Variants in CALN1 observed in about 807,000 individuals in gnomAD.
CALN1 encodes the protein calcium-binding protein 8.
Under a neutral mutation model 30.6 loss-of-function variants are expected in CALN1, and 17 were observed. The observed-to-expected ratio is 0.56, with a 90% CI of 0.38 to 0.83. The LOEUF (loss-of-function observed/expected upper bound fraction) is 0.83. Ranked by LOEUF, CALN1 falls within the 40% of genes least tolerant of loss-of-function variation. The pLI is 0.00. For synonymous variants in CALN1, 156 were observed against 131.4 expected, an observed-to-expected ratio of 1.19 and a Z score of -1.28; for missense variants, 291 against 354.9, an observed-to-expected ratio of 0.82 and a Z score of 1.45.
intron 4 of CALN1, among the ~76,000 whole-genome samples, chr7:72,072,516 G>A (rs927249772): frequency 1.3e-5 from 2 of 152,180 alleles, no homozygotes; most frequent in Admixed American, 6.5e-5. Flanking sequence ...ACTAAAGGGA[G>A]TCCTTCAGGG....
chr7:71,936,898 A>G lies in CALN1; in HGVS notation c.501+86759T>C, dbSNP rs561705567. On this transcript the variant is annotated intron_variant, in intron 5 of 6. Transcript: ENST00000395275. Reference sequence around the variant, plus strand: ...CATGAGATCTGATGGTTTTATCAGGAGTTTCTGCTTTTGTATCTCCCTCAT... The same window carrying G: ...CATGAGATCTGATGGTTTTATCAGGGGTTTCTGCTTTTGTATCTCCCTCAT... 1.9e-3 allele frequency among the ~76,000 whole-genome samples: 286 copies of G among 152,124 alleles called. 3 individuals carry two copies. Among genetic ancestry groups the G allele is most frequent in the African/African-American group, 8.7e-4 (36 of 41,482 alleles).
chr7:71,865,377 C>G (rs1267383012), intron 5 of CALN1, among the ~76,000 whole-genome samples: 1 of 152,236 alleles, frequency 6.6e-6, no homozygotes, highest in Non-Finnish European at 1.5e-5. Context: ...GGAGGCATGG[C>G]CTTCCGCCAT....
chr7:72,104,439 G>A (rs1377352553), intron 4 of CALN1, among the ~76,000 whole-genome samples: 1 of 152,092 alleles, frequency 6.6e-6, no homozygotes, highest in Non-Finnish European at 1.5e-5. Context: ...TGCAGGATGT[G>A]CAGGTTTGTT....
At chr7:72,385,492 GTT>G (rs2129561091) in intron 2 of CALN1, among the ~76,000 whole-genome samples, 1 of 152,262 alleles carries the variant, frequency 6.6e-6, no homozygotes, top group Admixed American at 6.5e-5. Context: ...TATTGATATG[GTT>G]TGGCTTCATG....
At chr7:72,012,178 G>C (rs1224485920) in intron 5 of CALN1, among the ~76,000 whole-genome samples, 4 of 152,180 alleles carry the variant, frequency 2.6e-5, no homozygotes, top group Non-Finnish European at 5.9e-5. Context: ...CTCAGCTACA[G>C]GCTGAAGTAC....
the CALN1 span, among the ~76,000 whole-genome samples, chr7:72,471,400 A>G: frequency 2.0e-5 from 3 of 152,184 alleles, no homozygotes; most frequent in African/African-American, 7.2e-5. Context: ...ACCAGGTGCT[A>G]AAGAGAGGCT....
chr7:72,444,468 C>T (rs1328176063), intron 1 of CALN1, among the ~76,000 whole-genome samples: 2 of 152,092 alleles, frequency 1.3e-5, no homozygotes, highest in Non-Finnish European at 2.9e-5. Context: ...CATTAAAAAC[C>T]ACCTATGTTG....
chr7:71,955,362 T>C (rs1004794370), intron 5 of CALN1, among the ~76,000 whole-genome samples: 1 of 152,104 alleles, frequency 6.6e-6, no homozygotes, highest in African/African-American at 2.4e-5. Flanking sequence ...ACAGCCAAAC[T>C]GTATCAGTAT....
intron 6 of CALN1, 103 bp from the exon 7 acceptor site, chr7:71,788,005 GCCAGCAGTGAGT>G (rs1793077866): frequency 6.7e-7 from 1 of 1,489,270 alleles, no homozygotes; most frequent in Admixed American, 1.8e-5. Flanking sequence ...TCCTCAACAG[GCCAGCAGTGAGT>G]CCTATAGGAT....
intron 2 of CALN1, among the ~76,000 whole-genome samples, chr7:72,282,620 C>T (rs1585352808): frequency 6.6e-6 from 1 of 152,208 alleles, no homozygotes; most frequent in South Asian, 2.1e-4. Context: ...GAGCAGCTCT[C>T]ACCAGACACA....
intron 6 of CALN1, among the ~76,000 whole-genome samples, chr7:71,795,758 T>C (rs1156811040): frequency 2.6e-5 from 4 of 151,880 alleles, no homozygotes; most frequent in African/African-American, 7.3e-5. Flanking sequence ...TGGCTTCTTT[T>C]AGCATAATTT....
intron 5 of CALN1, among the ~76,000 whole-genome samples, chr7:71,987,585 A>C (rs1418393344): frequency 6.6e-6 from 1 of 152,214 alleles, no homozygotes; most frequent in East Asian, 1.9e-4. Context: ...TTTTCAGGGT[A>C]GGCTTGTGAA....
chr7:71,831,871 CAAAAAAAAA>C (rs751078568), intron 5 of CALN1, among the ~76,000 whole-genome samples: 2 of 20,880 alleles, frequency 9.6e-5, no homozygotes, highest in Admixed American at 2.2e-3. Context: ...AACCCTGCCT[CAAAAAAAAA>C]AAAAAAAAAA....
intron 2 of CALN1, among the ~76,000 whole-genome samples, chr7:72,329,680 G>A (rs979508998): frequency 2.0e-5 from 3 of 152,214 alleles, no homozygotes; most frequent in Admixed American, 6.5e-5. Context: ...TTGGTTGGGC[G>A]CGGTGGCTCA....
intron 2 of CALN1, among the ~76,000 whole-genome samples, chr7:72,304,688 T>C (rs1188073044): frequency 6.6e-6 from 1 of 152,186 alleles, no homozygotes; most frequent in African/African-American, 2.4e-5. Context: ...GGTCAGGCCA[T>C]AAAATCCTAT....
In CALN1 at chr7:72,163,510, T is replaced by C. The variant is rs112418078; in HGVS notation, c.245-57216A>G. Among the ~76,000 whole-genome samples, 476 of 151,634 alleles carry C rather than the reference T, an allele frequency of 3.1e-3. 1 individual carries two copies. Among genetic ancestry groups the C allele is most frequent in the African/African-American group, 0.011 (439 of 41,338 alleles). ...CAGATAAGGACTTTAAAAGAGGAAT[T>C]AAAATGAAGTTCAAAGACTCAGAGG... On this transcript the variant is annotated intron_variant, in intron 3 of 6. Transcript: ENST00000395275.
At chr7:72,011,819 G>GT (rs992032169) in intron 5 of CALN1, among the ~76,000 whole-genome samples, 8 of 151,676 alleles carry the variant, frequency 5.3e-5, no homozygotes, top group Non-Finnish European at 7.4e-5. Flanking sequence ...TAATTTTTAG[G>GT]TTTTTTTTGT....
At chr7:72,160,714 G>C (rs907051492) in intron 3 of CALN1, among the ~76,000 whole-genome samples, 17 of 152,150 alleles carry the variant, frequency 1.1e-4, no homozygotes, top group Admixed American at 1.0e-3. Context: ...CTATAGTAAG[G>C]AGCTACTTAT....
intron 3 of CALN1, among the ~76,000 whole-genome samples, chr7:72,142,245 G>T (rs1809999314): frequency 6.6e-6 from 1 of 152,134 alleles, no homozygotes; most frequent in African/African-American, 2.4e-5. Flanking sequence ...GGGACAAATG[G>T]CACCTGGAAA....
Sources: gnomAD v4.1 joint callset for allele counts (sites outside exome capture counted in the v4.1 genomes callset) on GRCh38, gnomAD v4.1.1 for gene constraint, MANE v1.5 for transcripts, NCBI Gene and HGNC (gene_info 2026-07-23, HGNC 2026-07-21) for gene names.